The following SDK1 variants were observed in gnomAD, a reference collection of about 807,000 sequenced individuals.
SDK1 encodes the protein protein sidekick-1.
SDK1 carries 157 observed loss-of-function variants against 245.5 expected under a neutral mutation model. The observed-to-expected ratio is 0.64, with a 90% confidence interval of 0.56 to 0.73. The LOEUF (loss-of-function observed/expected upper bound fraction) is 0.73. Ranked by LOEUF, SDK1 falls within the 30% of genes least tolerant of loss-of-function variation. The probability of loss-of-function intolerance (pLI) is 0.00; values close to 1 mark genes in which losing one functional copy is unlikely to be tolerated. For missense variants in SDK1, 3,583 were observed against 3,002.3 expected, an observed-to-expected ratio of 1.19 and a Z score of -4.52; for synonymous variants, 1,647 against 1,278.5, an observed-to-expected ratio of 1.29 and a Z score of -6.15.
intron 17 of SDK1, among the ~76,000 whole-genome samples, chr7:4,028,986 G>C (rs148424664): frequency 2.4e-4 from 36 of 152,064 alleles, no homozygotes; most frequent in African/African-American, 8.7e-4. Context: ...TAATTCCCAG[G>C]AAGCCATCAC....
chr7:3,803,863 C>T (rs998159159), intron 4 of SDK1, among the ~76,000 whole-genome samples: 14 of 149,892 alleles, frequency 9.3e-5, no homozygotes, highest in African/African-American at 3.4e-4. Context: ...CTCCCATGTT[C>T]ACGCCATTCT....
chr7:4,231,922 A>C (rs1426745228), intron 40 of SDK1, among the ~76,000 whole-genome samples: 3 of 152,056 alleles, frequency 2.0e-5, no homozygotes, highest in Non-Finnish European at 4.4e-5. Context: ...CACATATCCA[A>C]ATGGGTTTTC....
intron 4 of SDK1, among the ~76,000 whole-genome samples, chr7:3,779,642 AGAT>A (rs1242479254): frequency 6.6e-6 from 1 of 152,220 alleles, no homozygotes; most frequent in African/African-American, 2.4e-5. Context: ...AATAAAGTTA[AGAT>A]GATGAGTCCG....
chr7:3,793,496 A>G (rs913535771), intron 4 of SDK1, among the ~76,000 whole-genome samples: 2 of 152,138 alleles, frequency 1.3e-5, no homozygotes, highest in Non-Finnish European at 2.9e-5. Flanking sequence ...CTCGTGCCTT[A>G]GATAGTCTTC....
chr7:3,389,185 A>G (rs564404131), intron 1 of SDK1, among the ~76,000 whole-genome samples: 21 of 152,326 alleles, frequency 1.4e-4, no homozygotes, highest in Non-Finnish European at 2.5e-4. Flanking sequence ...TGTTACCCCA[A>G]TGATGTCCAG....
intron 1 of SDK1, chr7:3,475,962 G>A (rs1322783404): frequency 6.6e-6 from 1 of 152,506 alleles, no homozygotes; most frequent in African/African-American, 2.4e-5. Context: ...CTTTAATTTA[G>A]TTTTAAATGC....
chr7:4,157,344 A>AGGAAGGAGGGAAGGAAG (rs1319991782), intron 30 of SDK1, among the ~76,000 whole-genome samples: 1 of 130,454 alleles, frequency 7.7e-6, no homozygotes, highest in Non-Finnish European at 1.7e-5. Context: ...AGAGAAGGGA[A>AGGAAGGAGGGAAGGAAG]GAAGGAAGGA....
At chr7:4,255,981 G>A (rs1463337047) in intron 44 of SDK1, among the ~76,000 whole-genome samples, 1 of 144,986 alleles carries the variant, frequency 6.9e-6, no homozygotes, top group Non-Finnish European at 1.5e-5. Flanking sequence ...GTGCAGTGGT[G>A]CGATCTCAGC....
At chr7:3,882,189 G>C (rs1005448160) in intron 5 of SDK1, among the ~76,000 whole-genome samples, 1 of 152,034 alleles carries the variant, frequency 6.6e-6, no homozygotes, top group Non-Finnish European at 1.5e-5. Context: ...CCATGATTCA[G>C]TTATCTCCCA....
At chr7:4,175,920 C>G in intron 34 of SDK1, 86 bp downstream of exon 34, 2 of 1,185,534 alleles carry the variant, frequency 1.7e-6, no homozygotes, top group Non-Finnish European at 2.5e-6. Flanking sequence ...CAAGGGAAAA[C>G]CAGCCTGGAT....
At chr7:3,362,312 ACTAT>A (rs1242306330) in intron 1 of SDK1, among the ~76,000 whole-genome samples, 1 of 152,172 alleles carries the variant, frequency 6.6e-6, no homozygotes, top group African/African-American at 2.4e-5. Context: ...CTTTTTGAAG[ACTAT>A]CTTTTTGAAG....
At chr7:3,805,426 T>G (rs1447577464) in intron 4 of SDK1, among the ~76,000 whole-genome samples, 3 of 152,252 alleles carry the variant, frequency 2.0e-5, no homozygotes, top group African/African-American at 7.2e-5. Context: ...GGTTGATTCT[T>G]GAGTTCTTGT....
chr7:3,807,766 G>T (rs989984035), intron 4 of SDK1, among the ~76,000 whole-genome samples: 12 of 152,178 alleles, frequency 7.9e-5, no homozygotes, highest in Admixed American at 3.3e-4. Flanking sequence ...CAGGCTGGGA[G>T]GCTGGGTTAG....
At chr7:3,464,278 C>G (rs911040765) in intron 1 of SDK1, among the ~76,000 whole-genome samples, 1 of 152,160 alleles carries the variant, frequency 6.6e-6, no homozygotes, top group African/African-American at 2.4e-5. Flanking sequence ...AATCCTAACA[C>G]TTTCGGAGGC....
intron 35 of SDK1, among the ~76,000 whole-genome samples, chr7:4,192,584 T>C (rs1783274627): frequency 6.6e-6 from 1 of 152,214 alleles, no homozygotes; most frequent in Non-Finnish European, 1.5e-5. Flanking sequence ...CAGTAAAGTA[T>C]ATTCTAATTG....
chr7:3,521,536 G>C (rs1252430750), intron 1 of SDK1, among the ~76,000 whole-genome samples: 2 of 152,152 alleles, frequency 1.3e-5, no homozygotes, highest in Non-Finnish European at 2.9e-5. Flanking sequence ...GGGAACTTGT[G>C]ATAAGCACTT....
intron 4 of SDK1, among the ~76,000 whole-genome samples, chr7:3,714,530 T>G (rs981866707): frequency 7.2e-5 from 11 of 152,228 alleles, no homozygotes; most frequent in African/African-American, 2.7e-4. Flanking sequence ...CTTTAAGTGC[T>G]TTGCATTTTG....
chr7:3,913,141 G>A (rs1779237478), intron 5 of SDK1, among the ~76,000 whole-genome samples: 2 of 152,172 alleles, frequency 1.3e-5, no homozygotes, highest in Non-Finnish European at 2.9e-5. Context: ...GGGGTACCGG[G>A]GGCCCTGCCA....
chr7:3,618,960 A>T, intron 1 of SDK1, 120 bp from the exon 2 acceptor site: 1 of 816,180 alleles, frequency 1.2e-6, no homozygotes, highest in East Asian at 2.7e-5. Context: ...TAATTGGGCC[A>T]AACAGCCATC....
Sources: gnomAD v4.1 joint callset for allele counts (sites outside exome capture counted in the v4.1 genomes callset) on GRCh38, gnomAD v4.1.1 for gene constraint, MANE v1.5 for transcripts, NCBI Gene and HGNC (gene_info 2026-07-23, HGNC 2026-07-21) for gene names.